Variants in DPP6 observed in about 807,000 individuals in gnomAD.
The protein encoded by DPP6 is A-type potassium channel modulatory protein DPP6.
DPP6 carries 69 observed loss-of-function variants against 122.6 expected under a neutral mutation model. The observed-to-expected ratio is 0.56, with a 90% CI of 0.46 to 0.69. The LOEUF (loss-of-function observed/expected upper bound fraction) is 0.69, where lower values mean the gene tolerates loss of function less well. Among genes scored for constraint, DPP6 ranks in the 30% least tolerant of loss-of-function variants. The probability of loss-of-function intolerance (pLI) is 0.00; values close to 1 mark genes in which losing one functional copy is unlikely to be tolerated. For synonymous variants in DPP6, 418 were observed against 433.1 expected, an observed-to-expected ratio of 0.97 and a Z score of 0.43; for missense variants, 928 against 1,116.9, an observed-to-expected ratio of 0.83 and a Z score of 2.41.
At chr7:154,253,496 AC>A (rs749362759) in intron 1 of DPP6, among the ~76,000 whole-genome samples, 3 of 152,178 alleles carry the variant, frequency 2.0e-5, no homozygotes, top group Non-Finnish European at 2.9e-5. Context: ...TAAAAGTCTC[AC>A]CTTTGCATCC....
At chr7:154,236,969 T>G (rs73726186) in intron 1 of DPP6, among the ~76,000 whole-genome samples, 2,759 of 152,192 alleles carry the variant, frequency 0.018, 92 homozygotes, top group African/African-American at 0.063. Flanking sequence ...TCCAACCCCT[T>G]TACTCACCCC....
intron 1 of DPP6, among the ~76,000 whole-genome samples, chr7:154,000,916 G>T (rs982660620): frequency 1.3e-5 from 2 of 152,118 alleles, no homozygotes; most frequent in African/African-American, 2.4e-5. Flanking sequence ...GGTATCTGCC[G>T]CCCGGGCCCA....
chr7:154,527,489 T>C (rs1339033254), intron 3 of DPP6, among the ~76,000 whole-genome samples: 1 of 152,210 alleles, frequency 6.6e-6, no homozygotes, highest in African/African-American at 2.4e-5. Flanking sequence ...GTATGTTGTA[T>C]GCTATTTGTT....
At chr7:154,179,649 T>C (rs780114878) in intron 1 of DPP6, among the ~76,000 whole-genome samples, 26 of 152,338 alleles carry the variant, frequency 1.7e-4, no homozygotes, top group African/African-American at 6.3e-4. Context: ...TGCTTCAGGC[T>C]TATGGCCTTG....
intron 8 of DPP6, among the ~76,000 whole-genome samples, chr7:154,737,234 T>C (rs1842609939): frequency 6.6e-6 from 1 of 152,192 alleles, no homozygotes; most frequent in Admixed American, 6.5e-5. Context: ...AGCTCTAGGA[T>C]TGTTCCTTGG....
intron 11 of DPP6, 144 bp downstream of exon 11, chr7:154,794,346 G>T: frequency 7.4e-7 from 1 of 1,353,830 alleles, no homozygotes; most frequent in South Asian, 1.7e-5. Context: ...CCGCGGCGCA[G>T]AGTCCCGGCT....
chr7:154,463,726 C>T (rs1821535455), intron 2 of DPP6, among the ~76,000 whole-genome samples: 1 of 151,334 alleles, frequency 6.6e-6, no homozygotes, highest in Admixed American at 6.7e-5. Context: ...AAGGCAGGCA[C>T]AGGGTATGTT....
chr7:154,609,026 G>A (rs991959576), intron 5 of DPP6, among the ~76,000 whole-genome samples: 2 of 152,174 alleles, frequency 1.3e-5, no homozygotes, highest in Non-Finnish European at 2.9e-5. Context: ...CCCTGTTTCT[G>A]TAAGGTCATC....
intron 1 of DPP6, among the ~76,000 whole-genome samples, chr7:154,149,047 C>T (rs1796270753): frequency 6.6e-6 from 1 of 152,202 alleles, no homozygotes; most frequent in Admixed American, 6.5e-5. Context: ...CTCCAGCAGA[C>T]CTATGCTGGG....
intron 6 of DPP6, among the ~76,000 whole-genome samples, chr7:154,652,631 C>T (rs193005604): frequency 9.2e-5 from 14 of 152,242 alleles, no homozygotes; most frequent in African/African-American, 3.4e-4. Flanking sequence ...CATGAAGCTG[C>T]TACATGTGCA....
chr7:154,256,126 A>G (rs976391174), intron 1 of DPP6, among the ~76,000 whole-genome samples: 4 of 152,248 alleles, frequency 2.6e-5, no homozygotes, highest in Admixed American at 6.5e-5. Flanking sequence ...TGTAGACTCG[A>G]ACATGATTTG....
chr7:154,106,604 G>T (rs940260157), intron 1 of DPP6, among the ~76,000 whole-genome samples: 1 of 150,074 alleles, frequency 6.7e-6, no homozygotes, highest in African/African-American at 2.5e-5. Flanking sequence ...TAGGAAATGG[G>T]AAAGGGGCTG....
At chr7:153,916,983 G>A (rs760305200) in intron 1 of DPP6, among the ~76,000 whole-genome samples, 6 of 152,144 alleles carry the variant, frequency 3.9e-5, no homozygotes, top group African/African-American at 1.4e-4. Context: ...ACAATTGAGC[G>A]AGTGTGTCCC....
At chr7:153,869,216 T>C in the DPP6 span, among the ~76,000 whole-genome samples, 1 of 152,264 alleles carries the variant, frequency 6.6e-6, no homozygotes, top group African/African-American at 2.4e-5. Flanking sequence ...TTGTTAACTT[T>C]CTGTCTCATT....
At chr7:154,194,370 A>G (rs1473648070) in intron 1 of DPP6, among the ~76,000 whole-genome samples, 1 of 152,166 alleles carries the variant, frequency 6.6e-6, no homozygotes, top group Non-Finnish European at 1.5e-5. Context: ...TCTCTTTTTG[A>G]ACAGTTTTAT....
At chr7:153,968,053 T>C (rs1244372424) in intron 1 of DPP6, among the ~76,000 whole-genome samples, 1 of 150,278 alleles carries the variant, frequency 6.7e-6, no homozygotes, top group Admixed American at 6.6e-5. Context: ...GTAGAATTAT[T>C]TATTTTCCTT....
the DPP6 span, among the ~76,000 whole-genome samples, chr7:153,854,422 G>A: frequency 6.6e-6 from 1 of 151,270 alleles, no homozygotes; most frequent in African/African-American, 2.4e-5. Flanking sequence ...CAAAAAGTGG[G>A]CGAAGGACAT....
At chr7:153,847,236 A>G in the DPP6 span, among the ~76,000 whole-genome samples, 1 of 152,226 alleles carries the variant, frequency 6.6e-6, no homozygotes, top group Non-Finnish European at 1.5e-5. Flanking sequence ...GCTACTCCAT[A>G]GGCAGAGCAG....
chr7:153,902,979 CAAAT>C (rs1799701788), intron 1 of DPP6, among the ~76,000 whole-genome samples: 1 of 152,178 alleles, frequency 6.6e-6, no homozygotes, highest in African/African-American at 2.4e-5. Context: ...CCAGAGCATT[CAAAT>C]GAGTAACCGC....
Sources: gnomAD v4.1 joint callset for allele counts (sites outside exome capture counted in the v4.1 genomes callset) on GRCh38, gnomAD v4.1.1 for gene constraint, MANE v1.5 for transcripts, NCBI Gene and HGNC (gene_info 2026-07-23, HGNC 2026-07-21) for gene names.